CFAP54: variants seen among roughly 807,000 people sequenced by gnomAD.
CFAP54 encodes the protein cilia- and flagella-associated protein 54.
In CFAP54, 290 loss-of-function variants were observed where a neutral mutation model predicts 370.4. The ratio of observed to expected loss-of-function variants is 0.78; its 90% CI spans 0.71 to 0.86. The LOEUF (loss-of-function observed/expected upper bound fraction) is 0.86. Ranked by LOEUF, CFAP54 falls within the 40% of genes least tolerant of loss-of-function variation. The pLI is 0.00. For missense variants in CFAP54, 3,399 were observed against 3,528.7 expected (o/e 0.96, Z 0.93); for synonymous variants, 1,206 against 1,236.5 (o/e 0.98, Z 0.52).
At chr12:96,705,700 TA>T (rs1482955994) in intron 47 of CFAP54, among the ~76,000 whole-genome samples, 4 of 152,328 alleles carry the variant, frequency 2.6e-5, no homozygotes, top group Non-Finnish European at 4.4e-5. Flanking sequence ...TTCTATTAGC[TA>T]GTTAGTTAAA....
At chr12:96,745,144 G>A (rs1176457483) in intron 55 of CFAP54, among the ~76,000 whole-genome samples, 3 of 152,170 alleles carry the variant, frequency 2.0e-5, no homozygotes, top group Non-Finnish European at 2.9e-5. Flanking sequence ...GTGCTGCAGT[G>A]CACATATGCT....
chr12:96,825,440 T>TA (rs1959083377), intron 65 of CFAP54, among the ~76,000 whole-genome samples: 1 of 117,982 alleles, frequency 8.5e-6, no homozygotes, highest in Non-Finnish European at 1.6e-5. Context: ...ATATATAATA[T>TA]ATGTTATATT....
Position 96,706,198 on chromosome 12 carries a change from T to A in CFAP54, c.6528+1402T>A, listed in dbSNP as rs535115433. ...CTAGTAATAAAGCATGATATATAAG[T>A]AAATATATTATAAATATGTAAATTA... On this transcript the variant is annotated intron_variant, in intron 47 of 67. Transcript: ENST00000524981. Among the ~76,000 whole-genome samples the A allele has an allele frequency of 7.9e-5, 12 of 152,104 alleles. 1 individual carries two copies. The East Asian group carries it at 1.4e-3, about 17-fold the overall frequency.
chr12:96,713,073 T>C (rs1169045085), intron 48 of CFAP54, among the ~76,000 whole-genome samples: 2 of 152,196 alleles, frequency 1.3e-5, no homozygotes, highest in African/African-American at 2.4e-5. Flanking sequence ...AGGAAAATGC[T>C]CATATACTGT....
At chr12:96,652,785 A>G (rs1421885645) in intron 36 of CFAP54, among the ~76,000 whole-genome samples, 2 of 152,208 alleles carry the variant, frequency 1.3e-5, no homozygotes, top group Non-Finnish European at 2.9e-5. Context: ...TAGATTGAAA[A>G]TAAAAATATG....
At chr12:96,706,545 A>G (rs888875553) in intron 47 of CFAP54, among the ~76,000 whole-genome samples, 2 of 152,112 alleles carry the variant, frequency 1.3e-5, no homozygotes, top group Non-Finnish European at 2.9e-5. Context: ...ATAAGGTCAG[A>G]GAGGTCAAAT....
chr12:96,872,287 G>A (rs574642358), intron 67 of CFAP54, among the ~76,000 whole-genome samples: 1 of 152,104 alleles, frequency 6.6e-6, no homozygotes, highest in Non-Finnish European at 1.5e-5. Context: ...CTTCTTAAAA[G>A]TGCTGAAAGA....
intron 23 of CFAP54, among the ~76,000 whole-genome samples, 152 bp from the exon 24 acceptor site, chr12:96,592,338 G>A (rs1956133710): frequency 6.6e-6 from 1 of 152,136 alleles, no homozygotes; most frequent in Non-Finnish European, 1.5e-5. Context: ...TTTCTTAGTT[G>A]TGAGCTTGTC....
At chr12:96,746,351 C>G (rs1478526170) in intron 55 of CFAP54, among the ~76,000 whole-genome samples, 1 of 152,174 alleles carries the variant, frequency 6.6e-6, no homozygotes, top group East Asian at 1.9e-4. Context: ...CTCTCTTCCT[C>G]TTCTTTCCTC....
chr12:96,666,058 A>G (rs1241577855), intron 39 of CFAP54, among the ~76,000 whole-genome samples: 5 of 152,156 alleles, frequency 3.3e-5, no homozygotes, highest in African/African-American at 4.8e-5. Flanking sequence ...ATTCCTAAAT[A>G]TTTTATTCTT....
At chr12:96,609,823 T>C (rs1362948) in intron 26 of CFAP54, among the ~76,000 whole-genome samples, 13,325 of 152,186 alleles carry the variant, frequency 0.088, 774 homozygotes, top group Middle Eastern at 0.14. Context: ...TATTTAAAAC[T>C]TAACAAAATG....
At chr12:96,836,082 C>CT (rs529788425) in intron 66 of CFAP54, among the ~76,000 whole-genome samples, 32 of 152,234 alleles carry the variant, frequency 2.1e-4, no homozygotes, top group African/African-American at 7.2e-4. Flanking sequence ...AAAAACACCT[C>CT]TTTTTTTAGG....
At chr12:96,850,231 A>AG in intron 66 of CFAP54, among the ~76,000 whole-genome samples, 1 of 151,678 alleles carries the variant, frequency 6.6e-6, no homozygotes, top group East Asian at 1.9e-4. Flanking sequence ...AAAAAAAAAA[A>AG]AAAAAAAGTA....
At chr12:96,611,113 G>A (rs1956353378) in intron 26 of CFAP54, among the ~76,000 whole-genome samples, 1 of 152,216 alleles carries the variant, frequency 6.6e-6, no homozygotes, top group Admixed American at 6.5e-5. Context: ...TGACCCCTGA[G>A]TAGCCTAACT....
chr12:96,865,937 G>A (rs1592821758), intron 67 of CFAP54, among the ~76,000 whole-genome samples: 1 of 152,066 alleles, frequency 6.6e-6, no homozygotes, highest in African/African-American at 2.4e-5. Flanking sequence ...ATATAAGATA[G>A]TAGAGCCTTA....
At chr12:96,617,568 C>G (rs543859561) in intron 26 of CFAP54, among the ~76,000 whole-genome samples, 38 of 152,316 alleles carry the variant, frequency 2.5e-4, no homozygotes, top group South Asian at 1.0e-3. Flanking sequence ...CATGGTGACA[C>G]CATTGAAAGC....
chr12:96,743,317 T>G, intron 52 of CFAP54, 85 bp from the exon 53 acceptor site: 2 of 1,328,886 alleles, frequency 1.5e-6, no homozygotes, highest in Non-Finnish European at 2.1e-6. Flanking sequence ...ACACAATATT[T>G]CTGTGATGAA....
chr12:96,844,519 G>T (rs906337209), intron 66 of CFAP54, among the ~76,000 whole-genome samples: 3 of 152,168 alleles, frequency 2.0e-5, no homozygotes, highest in Non-Finnish European at 2.9e-5. Flanking sequence ...AACCTACAGG[G>T]CTATAAGAGA....
intron 8 of CFAP54, 87 bp downstream of exon 8, chr12:96,522,276 A>G: frequency 1.1e-6 from 1 of 906,082 alleles, no homozygotes; most frequent in Non-Finnish European, 1.6e-6. Flanking sequence ...CTAGTCACTC[A>G]TTATTAAATT....
Sources: gnomAD v4.1 joint callset for allele counts (sites outside exome capture counted in the v4.1 genomes callset) on GRCh38, gnomAD v4.1.1 for gene constraint, MANE v1.5 for transcripts, NCBI Gene and HGNC (gene_info 2026-07-23, HGNC 2026-07-21) for gene names.